The following NXPH1 variants were observed in gnomAD, a reference collection of about 807,000 sequenced individuals.
The protein encoded by NXPH1 is neurexophilin-1.
NXPH1 carries 5 observed loss-of-function variants against 23.7 expected under a neutral mutation model. That is an observed-to-expected ratio of 0.21 (90% CI 0.11 to 0.44). The LOEUF is 0.44. NXPH1 is among the 20% of genes least tolerant of loss of function. The pLI, the probability that NXPH1 is intolerant of heterozygous loss-of-function variation, is 0.99. For synonymous variants in NXPH1, 144 were observed against 122.2 expected, an observed-to-expected ratio of 1.18 and a Z score of -1.18; for missense variants, 324 against 321.6, an observed-to-expected ratio of 1.01 and a Z score of -0.06.
chr7:8,453,671 C>T (rs1019633512), intron 2 of NXPH1, among the ~76,000 whole-genome samples: 9 of 152,052 alleles, frequency 5.9e-5, no homozygotes, highest in Non-Finnish European at 1.2e-4. Context: ...ATGCTTTACA[C>T]ATAGTGGTTT....
intron 2 of NXPH1, among the ~76,000 whole-genome samples, chr7:8,558,916 G>A (rs1818400519): frequency 6.8e-6 from 1 of 146,600 alleles, no homozygotes; most frequent in Non-Finnish European, 1.5e-5. Flanking sequence ...TGAACTGCAG[G>A]AAAAAATTAA....
intron 2 of NXPH1, among the ~76,000 whole-genome samples, chr7:8,670,422 T>A (rs1477141225): frequency 2.6e-5 from 4 of 152,226 alleles, no homozygotes; most frequent in Non-Finnish European, 4.4e-5. Context: ...AAATTGAACT[T>A]CACTAACCCC....
At chr7:8,527,101 G>T (rs1817874077) in intron 2 of NXPH1, among the ~76,000 whole-genome samples, 1 of 152,160 alleles carries the variant, frequency 6.6e-6, no homozygotes, top group Admixed American at 6.5e-5. Flanking sequence ...GGTAAATCAG[G>T]TTTAATAGCT....
Position 8,437,000 on chromosome 7 carries a change from C to T in NXPH1, c.54+1233C>T, listed in dbSNP as rs185306349. ...ATGTGTGTGTGAATGTGTATTTAAC[C>T]GATTTCAGCTTCAATCCAAGAACCC... On this transcript the variant is annotated intron_variant, in intron 2 of 2. Coordinates refer to ENST00000405863, the MANE Select transcript of NXPH1 (RefSeq NM_152745.3). Among the ~76,000 whole-genome samples, 102 of 152,310 alleles carry T rather than the reference C, an allele frequency of 6.7e-4. 1 individual carries two copies. Among genetic ancestry groups the T allele is most frequent in the African/African-American group, 2.1e-3 (86 of 41,566 alleles).
intron 2 of NXPH1, among the ~76,000 whole-genome samples, chr7:8,707,295 C>T (rs1200982159): frequency 6.6e-6 from 1 of 152,174 alleles, no homozygotes; most frequent in East Asian, 1.9e-4. Context: ...AAATAATATT[C>T]AGTATTCAAG....
At chr7:8,746,349 A>G (rs886983971) in intron 2 of NXPH1, among the ~76,000 whole-genome samples, 4 of 152,166 alleles carry the variant, frequency 2.6e-5, no homozygotes, top group Admixed American at 6.5e-5. Flanking sequence ...TACAGCTGAA[A>G]CCTGCTTTGA....
At chr7:8,440,912 G>A (rs1816284938) in intron 2 of NXPH1, among the ~76,000 whole-genome samples, 1 of 152,136 alleles carries the variant, frequency 6.6e-6, no homozygotes, top group African/African-American at 2.4e-5. Flanking sequence ...ATTCGGCTGC[G>A]AGTCAAAAGG....
chr7:8,618,695 T>A lies in NXPH1; in HGVS notation c.55-132313T>A, dbSNP rs146969850. The stretch of plus-strand genomic sequence containing the variant: ...TGCTAATGCATTGTTTCCTTAGAAA[T>A]GTAATCACTGCATCATTCTTTCATT... On this transcript the variant is annotated intron_variant, in intron 2 of 2. Transcript: ENST00000405863. 3.4e-3 allele frequency among the ~76,000 whole-genome samples: 516 copies of A among 152,296 alleles called. 2 individuals are homozygous for A. The highest frequency in any genetic ancestry group is 0.012 in the African/African-American group (491 of 41,568).
chr7:8,743,639 A>G (rs1780406823), intron 2 of NXPH1, among the ~76,000 whole-genome samples: 1 of 151,888 alleles, frequency 6.6e-6, no homozygotes, highest in Admixed American at 6.6e-5. Flanking sequence ...CTCCTAAGAC[A>G]TGTATAGGAG....
chr7:8,448,796 C>T (rs60388958), intron 2 of NXPH1, among the ~76,000 whole-genome samples: 51,822 of 132,946 alleles, frequency 0.39, 10,013 homozygotes, highest in East Asian at 0.69. Context: ...GCCTGGAAGA[C>T]AGAGCAAGAC....
intron 2 of NXPH1, among the ~76,000 whole-genome samples, chr7:8,523,173 G>A (rs1817801564): frequency 6.6e-6 from 1 of 152,154 alleles, no homozygotes. Flanking sequence ...TACTTCCTTT[G>A]ACTGCACTGG....
chr7:8,457,341 C>G, intron 2 of NXPH1, among the ~76,000 whole-genome samples: 1 of 152,026 alleles, frequency 6.6e-6, no homozygotes. Context: ...GAAAACAACC[C>G]AGAGATGCAA....
chr7:8,703,795 T>A (rs375331061), intron 2 of NXPH1, among the ~76,000 whole-genome samples: 20 of 152,182 alleles, frequency 1.3e-4, no homozygotes, highest in Middle Eastern at 3.4e-3. Flanking sequence ...TATTCCTTAT[T>A]ATTGCGGGCC....
intron 2 of NXPH1, among the ~76,000 whole-genome samples, chr7:8,609,557 C>T (rs142436691): frequency 1.1e-4 from 16 of 152,152 alleles, no homozygotes; most frequent in Non-Finnish European, 1.8e-4. Context: ...GATTGAAAGA[C>T]GAAAAGATAT....
intron 2 of NXPH1, among the ~76,000 whole-genome samples, chr7:8,524,178 G>T (rs1341215448): frequency 1.4e-5 from 2 of 142,186 alleles, no homozygotes; most frequent in Non-Finnish European, 3.0e-5. Flanking sequence ...GGTGGTAGAG[G>T]TTGCAGTGAG....
chr7:8,643,572 T>G (rs990600396), intron 2 of NXPH1, among the ~76,000 whole-genome samples: 3 of 152,130 alleles, frequency 2.0e-5, no homozygotes, highest in African/African-American at 7.2e-5. Context: ...ATATTGAGAT[T>G]TTTTTATTAG....
chr7:8,634,981 T>C (rs1202526109), intron 2 of NXPH1, among the ~76,000 whole-genome samples: 1 of 138,308 alleles, frequency 7.2e-6, no homozygotes, highest in Non-Finnish European at 1.6e-5. Context: ...ACCATTGACA[T>C]ATTACTGGAA....
At chr7:8,615,519 T>G (rs1046946096) in intron 2 of NXPH1, among the ~76,000 whole-genome samples, 1 of 152,056 alleles carries the variant, frequency 6.6e-6, no homozygotes, top group Non-Finnish European at 1.5e-5. Context: ...GCATAATCTT[T>G]CCTATAGCTA....
At chr7:8,647,329 A>T (rs1583213054) in intron 2 of NXPH1, among the ~76,000 whole-genome samples, 1 of 151,890 alleles carries the variant, frequency 6.6e-6, no homozygotes, top group Non-Finnish European at 1.5e-5. Context: ...AGAAGAGAAA[A>T]CCTCCAGACC....
Sources: gnomAD v4.1 joint callset for allele counts (sites outside exome capture counted in the v4.1 genomes callset) on GRCh38, gnomAD v4.1.1 for gene constraint, MANE v1.5 for transcripts, NCBI Gene and HGNC (gene_info 2026-07-23, HGNC 2026-07-21) for gene names.